Variants in CNTN4 observed in about 807,000 individuals in gnomAD.
CNTN4 encodes the protein contactin-4.
CNTN4 carries 77 observed loss-of-function variants against 122.5 expected under a neutral mutation model. The ratio of observed to expected loss-of-function variants is 0.63; its 90% CI spans 0.52 to 0.76. The LOEUF is 0.76. Among genes scored for constraint, CNTN4 ranks in the 30% least tolerant of loss-of-function variants. The probability of loss-of-function intolerance (pLI) is 0.00; values close to 1 mark genes in which losing one functional copy is unlikely to be tolerated. For missense variants in CNTN4, 1,256 were observed against 1,259.1 expected (o/e 1.00, Z 0.04); for synonymous variants, 512 against 447.0 (o/e 1.15, Z -1.83).
intron 24 of CNTN4, among the ~76,000 whole-genome samples, chr3:3,055,529 A>C (rs527649461): frequency 1.3e-5 from 2 of 152,322 alleles, no homozygotes; most frequent in South Asian, 4.1e-4. Flanking sequence ...CTTACTATGA[A>C]AAGTGTAAGA....
intron 13 of CNTN4, among the ~76,000 whole-genome samples, chr3:2,938,865 A>G (rs2094588112): frequency 6.6e-6 from 1 of 152,132 alleles, no homozygotes; most frequent in Non-Finnish European, 1.5e-5. Flanking sequence ...CATCAAGTGG[A>G]GTTAAGTGAT....
chr3:2,875,953 G>A (rs572865425), intron 8 of CNTN4, among the ~76,000 whole-genome samples: 7 of 152,192 alleles, frequency 4.6e-5, no homozygotes, highest in Admixed American at 2.0e-4. Flanking sequence ...ACCGTCCAGC[G>A]CAAGCAGAGG....
chr3:2,275,693 G>C (rs545486080), intron 2 of CNTN4, among the ~76,000 whole-genome samples: 3 of 151,830 alleles, frequency 2.0e-5, no homozygotes, highest in Admixed American at 2.0e-4. Flanking sequence ...AGGCTGAGGC[G>C]GGCGGATCAT....
chr3:2,781,494 A>G (rs1445807366), intron 6 of CNTN4, among the ~76,000 whole-genome samples: 2 of 152,126 alleles, frequency 1.3e-5, no homozygotes, highest in Non-Finnish European at 2.9e-5. Flanking sequence ...TAATTGAAAT[A>G]CTTGAGGAGA....
At chr3:2,758,705 C>T (rs2149672722) in intron 6 of CNTN4, among the ~76,000 whole-genome samples, 1 of 152,058 alleles carries the variant, frequency 6.6e-6, no homozygotes, top group Non-Finnish European at 1.5e-5. Flanking sequence ...CGGGGTTTCA[C>T]CGTGTTGGCC....
At chr3:2,204,683 T>A (rs910373806) in intron 2 of CNTN4, among the ~76,000 whole-genome samples, 1 of 152,188 alleles carries the variant, frequency 6.6e-6, no homozygotes, top group Non-Finnish European at 1.5e-5. Flanking sequence ...TTGTTTTTTT[T>A]TAAAAGAACT....
chr3:2,940,244 C>T lies in CNTN4; in HGVS notation c.1358+14465C>T, dbSNP rs1577343417. On this transcript the variant is annotated intron_variant, in intron 13 of 24. Coordinates refer to ENST00000418658, the MANE Select transcript of CNTN4 (RefSeq NM_175607.3). ...AGTTGTCAGAAAGCTAAACGGAGAA[C>T]CACGAAATAGGGCTGCTGTGAAATT... 2.0e-5 allele frequency among the ~76,000 whole-genome samples: 3 copies of T among 152,262 alleles called. No homozygotes were observed. The East Asian group carries it at 5.8e-4, about 29-fold the overall frequency.
chr3:2,764,575 T>C (rs1353829784), intron 6 of CNTN4, among the ~76,000 whole-genome samples: 2 of 152,176 alleles, frequency 1.3e-5, no homozygotes, highest in African/African-American at 4.8e-5. Context: ...GCTCAAGATT[T>C]ACTGAGGCCA....
chr3:2,428,902 G>A (rs1442955072), intron 3 of CNTN4, among the ~76,000 whole-genome samples: 6 of 152,116 alleles, frequency 3.9e-5, no homozygotes, highest in African/African-American at 1.2e-4. Context: ...GGTAGTACTC[G>A]TGCCATGGTT....
intron 6 of CNTN4, among the ~76,000 whole-genome samples, chr3:2,813,042 T>G (rs781695564): frequency 3.1e-4 from 47 of 152,118 alleles, no homozygotes; most frequent in Non-Finnish European, 5.1e-4. Context: ...GTTTTGTAAA[T>G]TTCGATTTAT....
intron 3 of CNTN4, among the ~76,000 whole-genome samples, chr3:2,429,122 C>A (rs769234506): frequency 1.3e-5 from 2 of 152,146 alleles, no homozygotes; most frequent in Admixed American, 1.3e-4. Context: ...CCATTGCTGG[C>A]GAGGAGCTGC....
chr3:2,133,989 G>A (rs1331112862), intron 2 of CNTN4, among the ~76,000 whole-genome samples: 1 of 151,974 alleles, frequency 6.6e-6, no homozygotes, highest in Non-Finnish European at 1.5e-5. Context: ...TATTATGAAA[G>A]GCAATCATTT....
chr3:2,648,607 C>A (rs934961244), intron 4 of CNTN4, among the ~76,000 whole-genome samples: 1 of 152,172 alleles, frequency 6.6e-6, no homozygotes, highest in South Asian at 2.1e-4. Flanking sequence ...GCCTCTCCCC[C>A]ATCTCTCTCC....
intron 6 of CNTN4, among the ~76,000 whole-genome samples, chr3:2,792,874 T>A (rs1334426829): frequency 2.0e-5 from 3 of 152,232 alleles, no homozygotes; most frequent in Non-Finnish European, 4.4e-5. Context: ...AAAATACACA[T>A]TCTCAAATAC....
At position 2,769,313 on chromosome 3, in the gene CNTN4, C is replaced by T. The variant is rs1372700281; in HGVS notation, c.358+23616C>T. ...CCCATCTCTACTAAAAATACAAAAA[C>T]AATTAGTCGGGCGTGGTGGCGCACA... On this transcript the variant is annotated intron_variant, in intron 6 of 24. Transcript: ENST00000418658. Among the ~76,000 whole-genome samples the T allele has an allele frequency of 2.0e-5, 3 of 151,696 alleles. No individual in the cohort carries two copies. In the East Asian group the frequency reaches 5.8e-4, roughly 29 times the overall value.
intron 3 of CNTN4, among the ~76,000 whole-genome samples, chr3:2,384,364 C>T (rs1177287408): frequency 1.3e-5 from 2 of 152,144 alleles, no homozygotes; most frequent in African/African-American, 4.8e-5. Context: ...CCAAAGTTCT[C>T]ATCTTACCAT....
intron 3 of CNTN4, among the ~76,000 whole-genome samples, chr3:2,496,397 C>G (rs2076451857): frequency 1.3e-5 from 2 of 152,134 alleles, no homozygotes; most frequent in East Asian, 3.9e-4. Flanking sequence ...CCACAAAGTT[C>G]AGAAGCAATG....
chr3:3,036,111 T>C (rs1699580863), intron 17 of CNTN4, among the ~76,000 whole-genome samples: 1 of 152,198 alleles, frequency 6.6e-6, no homozygotes, highest in South Asian at 2.1e-4. Context: ...TAGATTTCAT[T>C]TAAGGATAAA....
At chr3:2,386,502 A>G (rs918476117) in intron 3 of CNTN4, among the ~76,000 whole-genome samples, 2 of 152,226 alleles carry the variant, frequency 1.3e-5, no homozygotes, top group African/African-American at 4.8e-5. Flanking sequence ...ATTGTTTGCA[A>G]TATGTGTTTA....
Sources: gnomAD v4.1 joint callset for allele counts (sites outside exome capture counted in the v4.1 genomes callset) on GRCh38, gnomAD v4.1.1 for gene constraint, MANE v1.5 for transcripts, NCBI Gene and HGNC (gene_info 2026-07-23, HGNC 2026-07-21) for gene names.